The following WNT7B variants were observed in gnomAD, a reference collection of about 807,000 sequenced individuals.
WNT7B encodes the protein Wnt family member 7B.
A neutral mutation model predicts 38.2 loss-of-function variants in WNT7B; 19 were observed. The observed-to-expected ratio is 0.50, with a 90% CI of 0.35 to 0.73. The LOEUF (loss-of-function observed/expected upper bound fraction) is 0.73. Ranked by LOEUF, WNT7B falls within the 30% of genes least tolerant of loss-of-function variation. The probability of loss-of-function intolerance (pLI) is 0.01; values close to 1 mark genes in which losing one functional copy is unlikely to be tolerated. For missense variants in WNT7B, 423 were observed against 507.9 expected, an observed-to-expected ratio of 0.83 and a Z score of 1.61; for synonymous variants, 243 against 209.3, an observed-to-expected ratio of 1.16 and a Z score of -1.39.
At chr22:45,955,968 C>G (rs543533248) in intron 1 of WNT7B, among the ~76,000 whole-genome samples, 3 of 152,154 alleles carry the variant, frequency 2.0e-5, no homozygotes, top group Non-Finnish European at 4.4e-5. Context: ...CGACCTTGGT[C>G]TTTGGCAGAA....
In WNT7B at chr22:45,931,163, C is replaced by A. The variant is rs781610500; in HGVS notation, c.505G>T (p.Ala169Ser). The A allele has an allele frequency of 6.3e-7, 1 of 1,599,382 alleles. No homozygotes were observed. Among genetic ancestry groups the A allele is most frequent in the Non-Finnish European group, 8.5e-7 (1 of 1,179,308 alleles). The change falls in exon 3 of 4, where the codon GCT becomes TCT. Residue 169 changes from alanine (A) to serine (S), a missense_variant. Ala to Ser is a moderately conservative substitution (Grantham distance 99). Transcript: ENST00000339464. ...GIDFSRRFVD[A>S]REIKKNARRL... The stretch of plus-strand genomic sequence containing the variant: ...CGCGCGTTCTTCTTGATCTCCCGAG[C>A]GTCCACGAAGCGCCGGGAGAAGTCG...
intron 2 of WNT7B, among the ~76,000 whole-genome samples, chr22:45,946,078 G>A (rs1931788313): frequency 6.6e-6 from 1 of 152,184 alleles, no homozygotes; most frequent in Non-Finnish European, 1.5e-5. Flanking sequence ...GGGGATGGGG[G>A]CGGCGCAGTG....
intron 2 of WNT7B, among the ~76,000 whole-genome samples, chr22:45,949,287 G>A (rs972163902): frequency 2.0e-5 from 3 of 152,154 alleles, no homozygotes; most frequent in Non-Finnish European, 4.4e-5. Context: ...CACCTGGCAG[G>A]TTTCGGTGAT....
chr22:45,974,287 G>C (rs1035752267), intron 1 of WNT7B, among the ~76,000 whole-genome samples: 1 of 152,206 alleles, frequency 6.6e-6, no homozygotes, highest in African/African-American at 2.4e-5. Flanking sequence ...CAGGAGGACA[G>C]AACAGACAGC....
At chr22:45,956,142 A>T (rs188285036) in intron 1 of WNT7B, among the ~76,000 whole-genome samples, 1 of 152,214 alleles carries the variant, frequency 6.6e-6, no homozygotes, top group Admixed American at 6.5e-5. Context: ...GTACCAGGCC[A>T]GCCCCACAGC....
rs551142789 is a variant in WNT7B, at chr22:45,963,945, C to A, written c.71+12739G>T. Among the ~76,000 whole-genome samples, 3 of 152,198 alleles carry A rather than the reference C, an allele frequency of 2.0e-5. No individual in the cohort carries two copies. The South Asian group carries it at 6.2e-4, about 32-fold the overall frequency. ...CAATGGGGCGCCAGGTGACCCCCCGCACCTCCAGGAGCTGCAGCCTGGAGG... is the reference window on the plus strand; with the variant it reads ...CAATGGGGCGCCAGGTGACCCCCCGAACCTCCAGGAGCTGCAGCCTGGAGG... On this transcript the variant is annotated intron_variant, in intron 1 of 3. Coordinates refer to ENST00000339464, the MANE Select transcript of WNT7B (RefSeq NM_058238.3).
chr22:45,953,163 TGCC>T (rs1569120528), intron 1 of WNT7B, among the ~76,000 whole-genome samples: 326 of 52,686 alleles, frequency 6.2e-3, no homozygotes, highest in Middle Eastern at 0.011. Context: ...ACCGTGTCCG[TGCC>T]CGGCTTCCCC....
chr22:45,957,406 G>A (rs113538971), intron 1 of WNT7B, among the ~76,000 whole-genome samples: 12,613 of 151,232 alleles, frequency 0.083, 677 homozygotes, highest in African/African-American at 0.15. Flanking sequence ...AAAACAGGCC[G>A]GGCACGGTGG....
chr22:45,929,251 C>T (rs541080366), intron 3 of WNT7B, among the ~76,000 whole-genome samples: 1 of 152,296 alleles, frequency 6.6e-6, no homozygotes, highest in African/African-American at 2.4e-5. Flanking sequence ...GGTTCGTAGG[C>T]CTCCTTTATG....
intron 1 of WNT7B, among the ~76,000 whole-genome samples, chr22:45,961,060 C>T (rs527236317): frequency 7.2e-5 from 11 of 152,358 alleles, no homozygotes; most frequent in South Asian, 2.1e-4. Context: ...GCTCCACCTG[C>T]ACCTGCCCCA....
intron 3 of WNT7B, among the ~76,000 whole-genome samples, chr22:45,929,758 ATCTGTCTACTTATCCTT>A: frequency 4.7e-5 from 7 of 149,458 alleles, no homozygotes; most frequent in East Asian, 2.0e-4. Flanking sequence ...CCTTTCATTC[ATCTGTCTACTTATCCTT>A]CCATCCACCC....
Position 45,965,686 on chromosome 22 carries a change from G to A in WNT7B, c.71+10998C>T, listed in dbSNP as rs1294702695. 6.6e-6 allele frequency among the ~76,000 whole-genome samples: 1 copy of A among 152,178 alleles called. No individual in the cohort carries two copies. Among genetic ancestry groups the A allele is most frequent in the Non-Finnish European group, 1.5e-5 (1 of 68,024 alleles). The stretch of plus-strand genomic sequence containing the variant: ...GCTCCTGGGTCAGGGGCGAAAGCAG[G>A]ACAAGACCCAGAACAGAAGGCCTCT... On this transcript the variant is annotated intron_variant, in intron 1 of 3. Coordinates refer to ENST00000339464, the MANE Select transcript of WNT7B (RefSeq NM_058238.3). This position sits in a 1 kb window ranked among gnomAD's most constrained non-coding sequence, Gnocchi z 6.5.
At chr22:45,926,491 A>ACAGCCAGGCAGGGGAGTCATGGGGTTGG in intron 3 of WNT7B, 21 of 985,398 alleles carry the variant, frequency 2.1e-5, no homozygotes, top group Non-Finnish European at 2.5e-5. Context: ...GTGCTCAGTT[A>ACAGCCAGGCAGGGGAGTCATGGGGTTGG]CAGCCAGGCA....
At chr22:45,967,088 G>T (rs1440808408) in intron 1 of WNT7B, among the ~76,000 whole-genome samples, 2 of 152,204 alleles carry the variant, frequency 1.3e-5, no homozygotes, top group Non-Finnish European at 2.9e-5. Flanking sequence ...AGACAAGGAA[G>T]GGGGGAGGGA....
At position 45,927,194 on chromosome 22, in the gene WNT7B, C is replaced by T. The variant is rs1601714574; in HGVS notation, c.571-3859G>A. The T allele has an allele frequency of 7.1e-6, 7 of 985,302 alleles. No homozygotes were observed. In the South Asian group the frequency reaches 2.3e-4, roughly 33 times the overall value. The allele number at this position is 985,302 out of a possible 1,614,324, so 61.0% of individuals were successfully genotyped here. ...AGCAGTGGGGACCATGTGCCAGGGG[C>T]AGAGCTGGGGGCCGGGCACTGGGCA... is the stretch of plus-strand genomic sequence containing the variant. On this transcript the variant is annotated intron_variant, in intron 3 of 3. Coordinates refer to ENST00000339464, the MANE Select transcript of WNT7B (RefSeq NM_058238.3).
intron 2 of WNT7B, among the ~76,000 whole-genome samples, chr22:45,941,860 AAAAT>A (rs146613126): frequency 0.034 from 5,102 of 152,250 alleles, 115 homozygotes; most frequent in Non-Finnish European, 0.051. Context: ...TGGGTTCTTT[AAAAT>A]CCCTTTAGCA....
intron 2 of WNT7B, among the ~76,000 whole-genome samples, chr22:45,945,719 C>T (rs900478903): frequency 1.3e-5 from 2 of 152,246 alleles, no homozygotes; most frequent in African/African-American, 4.8e-5. Context: ...TCTCACCACA[C>T]GACCCCTGGC....
chr22:45,929,748 C>G (rs987186701), intron 3 of WNT7B, among the ~76,000 whole-genome samples: 2 of 150,648 alleles, frequency 1.3e-5, no homozygotes, highest in African/African-American at 5.0e-5. Context: ...ACCGATCCAT[C>G]CTTTCATTCA....
At chr22:45,972,116 G>GGGCCCCCCCCCCCCCCCCCCCCCC in intron 1 of WNT7B, 9 of 530,692 alleles carry the variant, frequency 1.7e-5, no homozygotes, top group Non-Finnish European at 2.6e-5. Flanking sequence ...CCCGGGGGGA[G>GGGCCCCCCCCCCCCCCCCCCCCCC]CCCACCCGCC....
Sources: allele counts gnomAD v4.1 joint callset (sites outside exome capture counted in the v4.1 genomes callset), GRCh38; gene constraint gnomAD v4.1.1; non-coding constraint Gnocchi (gnomAD v3.1); transcripts MANE v1.5; gene names NCBI Gene and HGNC (gene_info 2026-07-23, HGNC 2026-07-21).